The following KCNK9 variants were observed in gnomAD, a reference collection of about 807,000 sequenced individuals.
The protein encoded by KCNK9 is potassium channel subfamily K member 9.
In KCNK9, 1 loss-of-function variant was observed where a neutral mutation model predicts 10.8. The observed-to-expected ratio is 0.09, with a 90% CI of 0.03 to 0.44. The LOEUF (loss-of-function observed/expected upper bound fraction) is 0.44, where lower values mean the gene tolerates loss of function less well. KCNK9 is among the 20% of genes least tolerant of loss of function. The pLI, the probability that KCNK9 is intolerant of heterozygous loss-of-function variation, is 0.97. For synonymous variants in KCNK9, 231 were observed against 222.7 expected (o/e 1.04, Z -0.33); for missense variants, 303 against 515.0 (o/e 0.59, Z 3.98).
chr8:139,668,137 A>G (rs1816343653), intron 1 of KCNK9, among the ~76,000 whole-genome samples: 1 of 152,132 alleles, frequency 6.6e-6, no homozygotes, highest in Non-Finnish European at 1.5e-5. Context: ...CAATTAAGGT[A>G]TGTGGTTATG....
chr8:139,622,393 C>T (rs1219663367), intron 1 of KCNK9, among the ~76,000 whole-genome samples: 1 of 152,140 alleles, frequency 6.6e-6, no homozygotes, highest in African/African-American at 2.4e-5. Context: ...TGCTCTCTAC[C>T]CTGGGAGCTA....
rs1814635482 is a variant in KCNK9, at chr8:139,617,533, A to G, written c.*725T>C. Among the ~76,000 whole-genome samples the G allele has an allele frequency of 6.6e-6, 1 of 152,174 alleles. No homozygotes were observed. On this transcript the variant is annotated 3_prime_UTR_variant, in exon 2 of 2. Transcript: ENST00000520439. ...TGGGTCGTCTTGCCCACCCGCCCCT[A>G]AAAAACATTAATATAATTTAGAACC...
At chr8:139,609,106 A>ACCCCACCCTG (rs1554617340), downstream of KCNK9, among the ~76,000 whole-genome samples, 1 of 123,852 alleles carries the variant, frequency 8.1e-6, no homozygotes, top group African/African-American at 3.2e-5. Flanking sequence ...GACCCATCCC[A>ACCCCACCCTG]CCCCACCCCG....
chr8:139,670,903 C>T (rs1451541781), intron 1 of KCNK9, among the ~76,000 whole-genome samples: 2 of 152,182 alleles, frequency 1.3e-5, no homozygotes, highest in Non-Finnish European at 2.9e-5. Flanking sequence ...ATGACCACCC[C>T]GGAGACATTC....
At position 139,677,761 on chromosome 8, in the gene KCNK9, ATCTGATCCCAATGTGTCCCCATG is replaced by A. The variant is rs1563747764; in HGVS notation, c.283+24926_283+24948del. On this transcript the variant is annotated intron_variant, in intron 1 of 1. Transcript: ENST00000520439. ...CTACAGCTTCAGAGTAATACCTCAC[ATCTGATCCCAATGTGTCCCCATG>A]GCTGCAGAGTAATACCTCACCTCCC... Among the ~76,000 whole-genome samples the A allele has an allele frequency of 1.9e-4, 27 of 145,368 alleles. 1 individual carries two copies. The highest frequency in any genetic ancestry group is 7.4e-4 in the African/African-American group (26 of 35,300).
chr8:139,630,364 G>A (rs1815125000), intron 1 of KCNK9, among the ~76,000 whole-genome samples: 1 of 152,170 alleles, frequency 6.6e-6, no homozygotes. Context: ...TACTGGCCTG[G>A]AAATGCTCTG....
intron 1 of KCNK9, among the ~76,000 whole-genome samples, chr8:139,677,213 CTGCACCT>C (rs1164500076): frequency 6.6e-6 from 1 of 152,104 alleles, no homozygotes; most frequent in Non-Finnish European, 1.5e-5. Context: ...GGTGTAGCGG[CTGCACCT>C]GTGCCTGTGC....
chr8:139,622,866 G>A (rs1814835648), intron 1 of KCNK9, among the ~76,000 whole-genome samples: 1 of 152,146 alleles, frequency 6.6e-6, no homozygotes, highest in African/African-American at 2.4e-5. Context: ...GAAGACTTCA[G>A]AGTACACACA....
chr8:139,620,294 C>T lies in KCNK9; in HGVS notation c.284-1195G>A, dbSNP rs1814737619. 2.6e-5 allele frequency among the ~76,000 whole-genome samples: 4 copies of T among 152,214 alleles called. No individual in the cohort carries two copies. In the South Asian group the frequency reaches 8.3e-4, roughly 32 times the overall value. ...TTCCAACATCTAAAATCCTGCCCAT[C>T]AAGATAGATTTCCCTGATGGGACCC... On this transcript the variant is annotated intron_variant, in intron 1 of 1. Transcript: ENST00000520439.
At chr8:139,630,927 A>G (rs531396475) in intron 1 of KCNK9, among the ~76,000 whole-genome samples, 93 of 152,324 alleles carry the variant, frequency 6.1e-4, no homozygotes, top group Admixed American at 4.0e-3. Context: ...AGAGGCTCCT[A>G]GAAAGTGTTG....
rs546233595 is a variant in KCNK9, at chr8:139,678,273, G to A, written c.283+24437C>T. Among the ~76,000 whole-genome samples the A allele has an allele frequency of 1.2e-3, 179 of 152,302 alleles. 1 individual carries two copies. The highest frequency in any genetic ancestry group is 2.3e-3 in the African/African-American group (95 of 41,558). ...AGGGATTCCAGGATGTCGTGGAAGC[G>A]TCTTTCCTGACATGTACACCTTGCA... On this transcript the variant is annotated intron_variant, in intron 1 of 1. Coordinates refer to ENST00000520439, the MANE Select transcript of KCNK9 (RefSeq NM_001282534.2).
downstream of KCNK9, among the ~76,000 whole-genome samples, chr8:139,614,670 T>TCTAA (rs199525551): frequency 5.7e-3 from 865 of 152,028 alleles, 9 homozygotes; most frequent in African/African-American, 0.02. Context: ...CGTAAAAGAG[T>TCTAA]CTAACAGGCT....
chr8:139,687,650 A>ATACATATGTATACATATG (rs1816846476), intron 1 of KCNK9, among the ~76,000 whole-genome samples: 1 of 110,374 alleles, frequency 9.1e-6, no homozygotes, highest in African/African-American at 3.4e-5. Flanking sequence ...GTATACATAT[A>ATACATATGTATACATATG]TATTCATATG....
At chr8:139,656,645 T>C (rs1156439386) in intron 1 of KCNK9, among the ~76,000 whole-genome samples, 1 of 152,158 alleles carries the variant, frequency 6.6e-6, no homozygotes, top group Non-Finnish European at 1.5e-5. Context: ...TTATGCCAAA[T>C]TTTGGAGGAG....
At chr8:139,685,671 T>C (rs1816774868) in intron 1 of KCNK9, among the ~76,000 whole-genome samples, 1 of 152,222 alleles carries the variant, frequency 6.6e-6, no homozygotes, top group African/African-American at 2.4e-5. Flanking sequence ...TTTTCGTTAT[T>C]TATTCTATTA....
At chr8:139,658,405 A>G (rs1816071554) in intron 1 of KCNK9, among the ~76,000 whole-genome samples, 1 of 152,204 alleles carries the variant, frequency 6.6e-6, no homozygotes, top group African/African-American at 2.4e-5. Context: ...TCTTTCCTCC[A>G]GAACACCCCA....
chr8:139,648,223 C>G (rs1345507825), intron 1 of KCNK9, among the ~76,000 whole-genome samples: 2 of 152,120 alleles, frequency 1.3e-5, no homozygotes, highest in African/African-American at 4.8e-5. Context: ...GGCAAATCCA[C>G]AGAGACAGAA....
At chr8:139,659,602 C>G (rs1026458759) in intron 1 of KCNK9, among the ~76,000 whole-genome samples, 2 of 152,170 alleles carry the variant, frequency 1.3e-5, no homozygotes. Context: ...AGCTCCACCC[C>G]CCAGGTTCAC....
At chr8:139,688,333 A>G (rs931355940) in intron 1 of KCNK9, among the ~76,000 whole-genome samples, 11 of 152,196 alleles carry the variant, frequency 7.2e-5, no homozygotes, top group Non-Finnish European at 1.3e-4. Context: ...GGTTAAATTT[A>G]CTCACAGTTC....
Sources: gnomAD v4.1 joint callset for allele counts (sites outside exome capture counted in the v4.1 genomes callset) on GRCh38, gnomAD v4.1.1 for gene constraint, MANE v1.5 for transcripts, NCBI Gene and HGNC (gene_info 2026-07-23, HGNC 2026-07-21) for gene names.